The following NCKAP5L variants were observed in gnomAD, a reference collection of about 807,000 sequenced individuals.
NCKAP5L encodes the protein nck-associated protein 5-like.
NCKAP5L carries 54 observed loss-of-function variants against 103.2 expected under a neutral mutation model. That is an observed-to-expected ratio of 0.52 (90% CI 0.42 to 0.66). The LOEUF (loss-of-function observed/expected upper bound fraction) is 0.66. NCKAP5L is among the 30% of genes least tolerant of loss of function. The pLI is 0.00. For missense variants in NCKAP5L, 1,733 were observed against 1,750.6 expected, an observed-to-expected ratio of 0.99 and a Z score of 0.18; for synonymous variants, 762 against 748.6, an observed-to-expected ratio of 1.02 and a Z score of -0.29.
At chr12:49,825,933 A>G (rs891085723) in intron 1 of NCKAP5L, among the ~76,000 whole-genome samples, 1 of 152,182 alleles carries the variant, frequency 6.6e-6, no homozygotes, top group South Asian at 2.1e-4. Flanking sequence ...GCTGGAAAGC[A>G]AGTCCCAACC....
chr12:49,802,251 T>A, intron 5 of NCKAP5L: 1 of 292,480 alleles, frequency 3.4e-6, no homozygotes, highest in Non-Finnish European at 6.3e-6. Flanking sequence ...CCCCGCCTCT[T>A]TTTTTCTTTT....
At position 49,792,290 on chromosome 12, in the gene NCKAP5L, G is replaced by A; in HGVS notation, c.3792+156C>T. 1 of 1,443,420 alleles carries A rather than the reference G, an allele frequency of 6.9e-7. No homozygotes were observed. Among genetic ancestry groups the A allele is most frequent in the Non-Finnish European group, 9.4e-7 (1 of 1,059,782 alleles). The allele number at this position is 1,443,420 out of a possible 1,614,324, so 89.4% of individuals were successfully genotyped here. On this transcript the variant is annotated intron_variant, in intron 12 of 12. Transcript: ENST00000335999. This position sits in a 1 kb window ranked among gnomAD's most constrained non-coding sequence, Gnocchi z 4.5. ...AGAAGTGCAAGGAGGGCAGTGGGGAGGGCCGCTCACAGGGCATCCCAGGGG... is the reference window on the plus strand; with the variant it reads ...AGAAGTGCAAGGAGGGCAGTGGGGAAGGCCGCTCACAGGGCATCCCAGGGG...
At chr12:49,814,553 G>A (rs1565594927) in intron 1 of NCKAP5L, among the ~76,000 whole-genome samples, 1 of 151,380 alleles carries the variant, frequency 6.6e-6, no homozygotes. Flanking sequence ...CTTTCTTGAG[G>A]GTATCCACTT....
At chr12:49,803,073 C>G (rs755066145) in intron 4 of NCKAP5L, 24 bp downstream of exon 4, 3 of 1,614,256 alleles carry the variant, frequency 1.9e-6, no homozygotes, top group Non-Finnish European at 2.5e-6. Flanking sequence ...CACATCCCCC[C>G]AGTCCCACTA....
intron 1 of NCKAP5L, among the ~76,000 whole-genome samples, chr12:49,810,452 C>A (rs189882080): frequency 6.6e-6 from 1 of 152,208 alleles, no homozygotes; most frequent in Non-Finnish European, 1.5e-5. Context: ...AGTTTCTTCA[C>A]GCCAAGTGGT....
At chr12:49,802,646 A>C in intron 5 of NCKAP5L, 1 of 413,554 alleles carries the variant, frequency 2.4e-6, no homozygotes, top group South Asian at 3.9e-5. Context: ...TATCCACCAT[A>C]GGTGAGTAAA....
intron 6 of NCKAP5L, among the ~76,000 whole-genome samples, chr12:49,799,682 A>G (rs1159658001): frequency 6.6e-6 from 1 of 152,138 alleles, no homozygotes; most frequent in Non-Finnish European, 1.5e-5. Flanking sequence ...GCCCATGGAA[A>G]CAAGTGTGAA....
intron 1 of NCKAP5L, among the ~76,000 whole-genome samples, chr12:49,809,749 G>C (rs975945302): frequency 2.0e-5 from 3 of 152,120 alleles, no homozygotes; most frequent in African/African-American, 7.2e-5. Flanking sequence ...CTGGCTCCCA[G>C]GGCACTTCTA....
At chr12:49,793,986 A>T in intron 8 of NCKAP5L, 90 bp from the exon 9 acceptor site, 8 of 1,222,962 alleles carry the variant, frequency 6.5e-6, no homozygotes, top group Non-Finnish European at 8.6e-6. Context: ...GGGCTTAGGG[A>T]GGCACTTCCT....
chr12:49,811,911 G>C (rs66924167), intron 1 of NCKAP5L, among the ~76,000 whole-genome samples: 56,634 of 151,936 alleles, frequency 0.37, 10,846 homozygotes, highest in South Asian at 0.46. Flanking sequence ...TCTTCTCATT[G>C]TTCCCTTAAC....
chr12:49,792,243 G>A lies in NCKAP5L; in HGVS notation c.3793-192C>T. 8.4e-7 allele frequency: 1 copy of A among 1,183,604 alleles called. No individual in the cohort carries two copies. Among genetic ancestry groups the A allele is most frequent in the Non-Finnish European group, 1.2e-6 (1 of 826,694 alleles). The allele number at this position is 1,183,604 out of a possible 1,614,324, so 73.3% of individuals were successfully genotyped here. On this transcript the variant is annotated intron_variant, in intron 12 of 12. Transcript: ENST00000335999. This position sits in a 1 kb window ranked among gnomAD's most constrained non-coding sequence, Gnocchi z 4.5. ...ACAGTCCTACAAGGTTCTGGGGAGG[G>A]ACAGAAACCTTTCCCCACGAGAGAA...
At chr12:49,798,970 T>C (rs1438127508) in intron 6 of NCKAP5L, among the ~76,000 whole-genome samples, 1 of 152,192 alleles carries the variant, frequency 6.6e-6, no homozygotes, top group East Asian at 1.9e-4. Flanking sequence ...CTCTGAGGAC[T>C]GAAAAGGCAG....
At chr12:49,806,902 G>A (rs1336248502) in intron 1 of NCKAP5L, among the ~76,000 whole-genome samples, 6 of 152,222 alleles carry the variant, frequency 3.9e-5, no homozygotes, top group South Asian at 4.1e-4. Flanking sequence ...AGTGTCTGGC[G>A]TGAATTCCAT....
At chr12:49,814,236 G>C (rs1946273002) in intron 1 of NCKAP5L, among the ~76,000 whole-genome samples, 1 of 149,804 alleles carries the variant, frequency 6.7e-6, no homozygotes, top group South Asian at 2.1e-4. Flanking sequence ...TGTAACCCCA[G>C]CGCTTTGGGA....
At chr12:49,793,474 C>T (rs376541244) in intron 9 of NCKAP5L, 41 bp from the exon 10 acceptor site, 5 of 1,574,598 alleles carry the variant, frequency 3.2e-6, no homozygotes, top group South Asian at 1.1e-5. Context: ...ACTCCTCCCC[C>T]CTCCACACCC....
chr12:49,808,215 A>G (rs1350033140), intron 1 of NCKAP5L, among the ~76,000 whole-genome samples: 2 of 152,192 alleles, frequency 1.3e-5, no homozygotes, highest in African/African-American at 4.8e-5. Flanking sequence ...CCCGAGTTCC[A>G]CTGAGAATGG....
In NCKAP5L at chr12:49,801,931, C is replaced by G; in HGVS notation, c.268G>C (p.Val90Leu). 1 of 1,613,960 alleles carries G rather than the reference C, an allele frequency of 6.2e-7. No homozygotes were observed. The highest frequency in any genetic ancestry group is 8.5e-7 in the Non-Finnish European group (1 of 1,179,880). The change falls in exon 6 of 13, where the codon GTG becomes CTG. Residue 90 changes from valine to leucine, a missense_variant. Physicochemically the swap from Val to Leu is conservative, Grantham distance 32. Coordinates refer to ENST00000335999, the MANE Select transcript of NCKAP5L (RefSeq NM_001037806.4). ...REECIKLKKR[V>L]FDLERQNQML... ...TGGTTCTGCCGTTCCAGGTCAAACA[C>G]TCTCTTCTTCAGCTTGATGCACTCC...
Position 49,792,870 on chromosome 12 carries a change from C to A in NCKAP5L, c.3457G>T (p.Asp1153Tyr). The change falls in exon 11 of 13, where the codon GAT becomes TAT. Residue 1153 changes from aspartate (D) to tyrosine (Y), a missense_variant. By Grantham distance (160) the Asp-to-Tyr change is radical (BLOSUM62 -3). Transcript: ENST00000335999. This position sits in a 1 kb window ranked among gnomAD's most constrained non-coding sequence, Gnocchi z 4.5. ...NLPKTKPPRL[D>Y]PPPGVPPARP... ...GCTGGGGGTACCCCAGGTGGGGGAT[C>A]CAGCCGCGGTGGCTTGGTCTTAGGA... 2 of 1,546,220 alleles carry A rather than the reference C, an allele frequency of 1.3e-6. No individual in the cohort carries two copies. The highest frequency in any genetic ancestry group is 1.8e-4 in the Middle Eastern group (1 of 5,588).
Position 49,792,269 on chromosome 12 carries a change from G to A in NCKAP5L, c.3792+177C>T, listed in dbSNP as rs1004776395. The A allele has an allele frequency of 3.8e-6, 5 of 1,307,164 alleles. No homozygotes were observed. The South Asian group carries it at 5.1e-5, about 13-fold the overall frequency. The allele number at this position is 1,307,164 out of a possible 1,614,324, so 81.0% of individuals were successfully genotyped here. ...ACAGAAACCTTTCCCCACGAGAGAA[G>A]TGCAAGGAGGGCAGTGGGGAGGGCC... On this transcript the variant is annotated intron_variant, in intron 12 of 12. Coordinates refer to ENST00000335999, the MANE Select transcript of NCKAP5L (RefSeq NM_001037806.4). The surrounding 1 kb of genome is among the most constrained non-coding windows in gnomAD (Gnocchi z 4.5).
Sources: allele counts gnomAD v4.1 joint callset (sites outside exome capture counted in the v4.1 genomes callset), GRCh38; gene constraint gnomAD v4.1.1; non-coding constraint Gnocchi (gnomAD v3.1); transcripts MANE v1.5; gene names NCBI Gene and HGNC (gene_info 2026-07-23, HGNC 2026-07-21).